TMEM178B: variants seen among roughly 807,000 people sequenced by gnomAD.
TMEM178B encodes transmembrane protein 178B.
In TMEM178B, 5 loss-of-function variants were observed where a neutral mutation model predicts 31.0. The observed-to-expected ratio is 0.16, with a 90% CI of 0.08 to 0.34. The LOEUF (loss-of-function observed/expected upper bound fraction) is 0.34. TMEM178B is among the 10% of genes least tolerant of loss of function. The probability of loss-of-function intolerance (pLI) is 1.00; values close to 1 mark genes in which losing one functional copy is unlikely to be tolerated. For synonymous variants in TMEM178B, 164 were observed against 164.0 expected, an observed-to-expected ratio of 1.00 and a Z score of 0.00; for missense variants, 275 against 400.3, an observed-to-expected ratio of 0.69 and a Z score of 2.67.
At chr7:141,255,251 G>T (rs1248864619) in intron 2 of TMEM178B, among the ~76,000 whole-genome samples, 2 of 152,168 alleles carry the variant, frequency 1.3e-5, no homozygotes, top group African/African-American at 2.4e-5. Flanking sequence ...TCCACTTCTG[G>T]GTGGGATAGG....
chr7:141,356,115 G>A (rs1013524129), intron 2 of TMEM178B, among the ~76,000 whole-genome samples: 2 of 152,070 alleles, frequency 1.3e-5, no homozygotes, highest in African/African-American at 4.8e-5. Context: ...TTTCCAATCC[G>A]TCATTGATGG....
chr7:141,249,341 G>T (rs1007276477), intron 2 of TMEM178B, among the ~76,000 whole-genome samples: 7 of 152,124 alleles, frequency 4.6e-5, no homozygotes, highest in Non-Finnish European at 8.8e-5. Context: ...GCCGTGATTG[G>T]GAGGCCTCCC....
chr7:141,304,319 G>A (rs1798776488), intron 2 of TMEM178B, among the ~76,000 whole-genome samples: 1 of 152,106 alleles, frequency 6.6e-6, no homozygotes, highest in Non-Finnish European at 1.5e-5. Context: ...TGGGCAGAGT[G>A]GTCACAGGAT....
the TMEM178B span, among the ~76,000 whole-genome samples, chr7:141,509,814 G>A: frequency 1.3e-5 from 2 of 152,152 alleles, no homozygotes; most frequent in South Asian, 2.1e-4. Context: ...ACAGATGCTC[G>A]GAAACACTGT....
intron 1 of TMEM178B, among the ~76,000 whole-genome samples, chr7:141,210,419 C>T (rs139087676): frequency 8.1e-4 from 123 of 152,142 alleles, no homozygotes; most frequent in African/African-American, 2.4e-3. Context: ...GCCGAGATCG[C>T]GCCATTGCAC....
chr7:141,307,899 G>A (rs1420151399), intron 2 of TMEM178B, among the ~76,000 whole-genome samples: 1 of 152,168 alleles, frequency 6.6e-6, no homozygotes, highest in East Asian at 1.9e-4. Context: ...TTAGAAATAT[G>A]GAACCAACAT....
At chr7:141,206,890 T>C (rs1037986266) in intron 1 of TMEM178B, among the ~76,000 whole-genome samples, 1 of 152,244 alleles carries the variant, frequency 6.6e-6, no homozygotes, top group African/African-American at 2.4e-5. Context: ...AGATCTCTTA[T>C]TTATCTTGCA....
In TMEM178B at chr7:141,472,751, T is replaced by G. The variant is rs1802269338; in HGVS notation, c.*1965T>G. ...TTTCTCACCTACTAACCACTTACCTTCTCTCTCTTCTATCTTCCACCCTCA... is the reference window on the plus strand; with the variant it reads ...TTTCTCACCTACTAACCACTTACCTGCTCTCTCTTCTATCTTCCACCCTCA... On this transcript the variant is annotated 3_prime_UTR_variant, in exon 4 of 4. Transcript: ENST00000565468. 6.6e-6 allele frequency: 1 copy of G among 152,254 alleles called. No individual in the cohort carries two copies. Among genetic ancestry groups the G allele is most frequent in the South Asian group, 2.1e-4 (1 of 4,820 alleles). 9.4% of individuals were successfully genotyped at this position (152,254 alleles called of 1,614,324 possible).
intron 2 of TMEM178B, among the ~76,000 whole-genome samples, chr7:141,407,026 A>G (rs1469278839): frequency 2.0e-5 from 3 of 152,266 alleles, no homozygotes; most frequent in Non-Finnish European, 4.4e-5. Flanking sequence ...TCAGCAAATT[A>G]TGGCCCATGG....
intron 2 of TMEM178B, among the ~76,000 whole-genome samples, chr7:141,331,647 G>A (rs1178292383): frequency 6.6e-6 from 1 of 152,170 alleles, no homozygotes; most frequent in Non-Finnish European, 1.5e-5. Context: ...CTTGTGAAGA[G>A]CCTTGCTGCA....
chr7:141,397,828 G>A (rs967330030), intron 2 of TMEM178B, among the ~76,000 whole-genome samples: 6 of 152,252 alleles, frequency 3.9e-5, no homozygotes, highest in East Asian at 1.9e-4. Context: ...TCGCCCACCC[G>A]AGGCAGAGGC....
chr7:141,336,934 C>T (rs1799408399), intron 2 of TMEM178B, among the ~76,000 whole-genome samples: 1 of 126,536 alleles, frequency 7.9e-6, no homozygotes, highest in Non-Finnish European at 1.7e-5. Context: ...CCACCACCAT[C>T]ACCACCACCA....
chr7:141,266,306 C>T (rs906423262), intron 2 of TMEM178B, among the ~76,000 whole-genome samples: 1 of 152,180 alleles, frequency 6.6e-6, no homozygotes, highest in Non-Finnish European at 1.5e-5. Flanking sequence ...GCCTTGCTAA[C>T]TGGCCAAGGC....
chr7:141,124,703 C>T (rs1366917204), intron 1 of TMEM178B, among the ~76,000 whole-genome samples: 1 of 152,218 alleles, frequency 6.6e-6, no homozygotes, highest in African/African-American at 2.4e-5. Context: ...GACTCCAATG[C>T]CTAACATATG....
chr7:141,232,025 C>T (rs957173868), intron 2 of TMEM178B, among the ~76,000 whole-genome samples: 2 of 152,144 alleles, frequency 1.3e-5, no homozygotes, highest in Admixed American at 6.5e-5. Context: ...GTGTTCTCAT[C>T]GTTCAGCTCC....
intron 2 of TMEM178B, among the ~76,000 whole-genome samples, chr7:141,327,532 G>T (rs1218314863): frequency 6.6e-6 from 1 of 152,100 alleles, no homozygotes; most frequent in African/African-American, 2.4e-5. Flanking sequence ...TGATGTTATA[G>T]ATTTCATGAA....
chr7:141,169,602 G>A (rs1796316789), intron 1 of TMEM178B, among the ~76,000 whole-genome samples: 1 of 152,198 alleles, frequency 6.6e-6, no homozygotes, highest in Non-Finnish European at 1.5e-5. Context: ...GCTCTGCAAA[G>A]AATCATCCAC....
At chr7:141,323,765 C>G in intron 2 of TMEM178B, among the ~76,000 whole-genome samples, 1 of 151,656 alleles carries the variant, frequency 6.6e-6, no homozygotes, top group Middle Eastern at 3.4e-3. Flanking sequence ...CTATGAGACA[C>G]GGACAATGAA....
intron 2 of TMEM178B, among the ~76,000 whole-genome samples, chr7:141,340,530 T>A (rs1799498606): frequency 6.6e-6 from 1 of 152,220 alleles, no homozygotes; most frequent in East Asian, 1.9e-4. Context: ...CATGCTTCTT[T>A]CAATTTTTGT....
Sources: gnomAD v4.1 joint callset for allele counts (sites outside exome capture counted in the v4.1 genomes callset) on GRCh38, gnomAD v4.1.1 for gene constraint, MANE v1.5 for transcripts, NCBI Gene and HGNC (gene_info 2026-07-23, HGNC 2026-07-21) for gene names.